NR3C2: variants seen among roughly 807,000 people sequenced by gnomAD.
NR3C2 encodes mineralocorticoid receptor.
Under a neutral mutation model 86.4 loss-of-function variants are expected in NR3C2, and 15 were observed. The observed-to-expected ratio is 0.17, with a 90% confidence interval of 0.12 to 0.27. NR3C2 has a LOEUF of 0.27. Ranked by LOEUF, NR3C2 falls within the 10% of genes least tolerant of loss-of-function variation. The probability of loss-of-function intolerance (pLI) is 1.00; values close to 1 mark genes in which losing one functional copy is unlikely to be tolerated. For missense variants in NR3C2, 960 were observed against 1,195.6 expected (o/e 0.80, Z 2.91); for synonymous variants, 458 against 450.5 (o/e 1.02, Z -0.21).
intron 4 of NR3C2, among the ~76,000 whole-genome samples, chr4:148,184,789 T>C (rs1365426079): frequency 6.6e-6 from 1 of 152,204 alleles, no homozygotes. Flanking sequence ...ACTCACATAC[T>C]ACAGAGGGTA....
chr4:148,406,631 A>T (rs1378398405), intron 2 of NR3C2, among the ~76,000 whole-genome samples: 1 of 152,190 alleles, frequency 6.6e-6, no homozygotes, highest in Non-Finnish European at 1.5e-5. Context: ...CTTGCAGGCC[A>T]TATTACAAGT....
At chr4:148,242,829 G>A (rs1739125859) in intron 3 of NR3C2, among the ~76,000 whole-genome samples, 1 of 152,110 alleles carries the variant, frequency 6.6e-6, no homozygotes, top group Admixed American at 6.6e-5. Flanking sequence ...ATCAGTGAGT[G>A]AACTGCTATC....
chr4:148,310,945 G>C (rs892034413), intron 2 of NR3C2, among the ~76,000 whole-genome samples: 1 of 151,980 alleles, frequency 6.6e-6, no homozygotes, highest in Admixed American at 6.6e-5. Context: ...TGCTTAGCAC[G>C]GTCACCAGAG....
At chr4:148,140,154 G>A (rs906926853) in intron 6 of NR3C2, among the ~76,000 whole-genome samples, 2 of 152,010 alleles carry the variant, frequency 1.3e-5, no homozygotes, top group Non-Finnish European at 2.9e-5. Flanking sequence ...GCCCTATCTC[G>A]GAATAGAATC....
intron 3 of NR3C2, among the ~76,000 whole-genome samples, chr4:148,250,119 A>G (rs534389702): frequency 6.6e-5 from 10 of 152,318 alleles, no homozygotes; most frequent in Middle Eastern, 3.4e-3. Flanking sequence ...TATTTTACAT[A>G]TAACTACTTA....
intron 6 of NR3C2, among the ~76,000 whole-genome samples, chr4:148,122,783 C>T (rs1032396590): frequency 6.6e-6 from 1 of 152,180 alleles, no homozygotes; most frequent in Non-Finnish European, 1.5e-5. Flanking sequence ...TCTCTTAATC[C>T]TGTTATCTTT....
rs945521792 is a variant in NR3C2 at position 148,294,165 on chromosome 4, C to T, written c.1758-34048G>A. 5.3e-5 allele frequency among the ~76,000 whole-genome samples: 8 copies of T among 152,274 alleles called. No homozygotes were observed. The East Asian group carries it at 7.7e-4, about 15-fold the overall frequency. ...ATTGCATTTTTTCCACTTAGCAATA[C>T]GTGATCTTGAATTAAATATGTACTA... On this transcript the variant is annotated intron_variant, in intron 2 of 8. Transcript: ENST00000358102.
In NR3C2 at chr4:148,211,078, A is replaced by G. The variant is rs1317167163; in HGVS notation, c.1898-16216T>C. ...ACCTATGAAGCCCAACTCAGAGCAA[A>G]CTGCTGAAGACAGGAAAGGGAGTAA... On this transcript the variant is annotated intron_variant, in intron 3 of 8. Coordinates refer to ENST00000358102, the MANE Select transcript of NR3C2 (RefSeq NM_000901.5). Among the ~76,000 whole-genome samples, 4 of 152,246 alleles carry G rather than the reference A, an allele frequency of 2.6e-5. No individual in the cohort carries two copies. In the East Asian group the frequency reaches 5.8e-4, roughly 22 times the overall value.
intron 2 of NR3C2, among the ~76,000 whole-genome samples, chr4:148,287,495 T>C (rs1296091667): frequency 6.6e-6 from 1 of 152,250 alleles, no homozygotes; most frequent in Non-Finnish European, 1.5e-5. Flanking sequence ...CTCATTTATT[T>C]TTGGAAGAAC....
chr4:148,183,239 G>A (rs1482114107), intron 4 of NR3C2, among the ~76,000 whole-genome samples: 1 of 152,164 alleles, frequency 6.6e-6, no homozygotes, highest in East Asian at 1.9e-4. Flanking sequence ...CATTTGGGTT[G>A]GTTCCAAGTC....
chr4:148,382,818 T>G (rs915327206), intron 2 of NR3C2, among the ~76,000 whole-genome samples: 4 of 152,134 alleles, frequency 2.6e-5, no homozygotes, highest in African/African-American at 9.7e-5. Context: ...TAAAAGTCAC[T>G]TTGAGTAATA....
At chr4:148,431,808 A>AT (rs1305452429) in intron 2 of NR3C2, among the ~76,000 whole-genome samples, 6 of 152,148 alleles carry the variant, frequency 3.9e-5, no homozygotes, top group African/African-American at 1.4e-4. Flanking sequence ...AAATAATGTA[A>AT]TGTCTTCTTT....
chr4:148,378,736 G>T (rs1207007073), intron 2 of NR3C2, among the ~76,000 whole-genome samples: 1 of 152,158 alleles, frequency 6.6e-6, no homozygotes, highest in Non-Finnish European at 1.5e-5. Flanking sequence ...TTCCTATGCA[G>T]CCTGCAGAAT....
chr4:148,292,201 T>C (rs150098687), intron 2 of NR3C2, among the ~76,000 whole-genome samples: 113 of 152,158 alleles, frequency 7.4e-4, no homozygotes, highest in African/African-American at 2.5e-3. Flanking sequence ...TTGGTCTTTA[T>C]TATACTTGAC....
intron 2 of NR3C2, among the ~76,000 whole-genome samples, chr4:148,323,560 G>T (rs900056845): frequency 3.3e-5 from 5 of 151,760 alleles, no homozygotes; most frequent in Non-Finnish European, 5.9e-5. Flanking sequence ...CTCCGAGCCA[G>T]GTGCGGGACA....
intron 3 of NR3C2, among the ~76,000 whole-genome samples, chr4:148,224,476 A>G (rs1738040453): frequency 2.0e-5 from 3 of 152,258 alleles, no homozygotes; most frequent in Non-Finnish European, 4.4e-5. Context: ...CTCTCCAGTT[A>G]GAACGAGTGA....
intron 6 of NR3C2, among the ~76,000 whole-genome samples, chr4:148,142,718 A>C (rs1733671689): frequency 6.6e-6 from 1 of 151,604 alleles, no homozygotes; most frequent in African/African-American, 2.4e-5. Flanking sequence ...CTGGTCTTGA[A>C]CTCCTGAGTA....
At chr4:148,085,643 C>T (rs144475201) in intron 8 of NR3C2, among the ~76,000 whole-genome samples, 1 of 152,130 alleles carries the variant, frequency 6.6e-6, no homozygotes, top group East Asian at 1.9e-4. Context: ...AAGATCAGAG[C>T]AGAACTGAAG....
At chr4:148,373,710 T>C (rs1184252808) in intron 2 of NR3C2, among the ~76,000 whole-genome samples, 1 of 152,050 alleles carries the variant, frequency 6.6e-6, no homozygotes, top group Non-Finnish European at 1.5e-5. Context: ...TCTCCCGACC[T>C]TGTAATCCAC....
Sources: gnomAD v4.1 joint callset for allele counts (sites outside exome capture counted in the v4.1 genomes callset) on GRCh38, gnomAD v4.1.1 for gene constraint, MANE v1.5 for transcripts, NCBI Gene and HGNC (gene_info 2026-07-23, HGNC 2026-07-21) for gene names.